The following CNTN4 variants were observed in gnomAD, a reference collection of about 807,000 sequenced individuals.
CNTN4 encodes contactin-4.
In CNTN4, 77 loss-of-function variants were observed where a neutral mutation model predicts 122.5. That is an observed-to-expected ratio of 0.63 (90% CI 0.52 to 0.76). CNTN4 has a LOEUF of 0.76. Ranked by LOEUF, CNTN4 falls within the 30% of genes least tolerant of loss-of-function variation. The probability of loss-of-function intolerance (pLI) is 0.00; values close to 1 mark genes in which losing one functional copy is unlikely to be tolerated. For missense variants in CNTN4, 1,256 were observed against 1,259.1 expected (o/e 1.00, Z 0.04); for synonymous variants, 512 against 447.0 (o/e 1.15, Z -1.83).
intron 3 of CNTN4, among the ~76,000 whole-genome samples, chr3:2,388,900 G>C (rs1174387064): frequency 1.3e-5 from 2 of 149,310 alleles, no homozygotes; most frequent in Non-Finnish European, 3.0e-5. Flanking sequence ...TCTCACGCCT[G>C]TAATCCCAGC....
intron 3 of CNTN4, among the ~76,000 whole-genome samples, chr3:2,430,208 G>GGTCA (rs928643460): frequency 2.0e-5 from 3 of 152,004 alleles, no homozygotes; most frequent in Admixed American, 2.0e-4. Flanking sequence ...TGGATCACGA[G>GGTCA]GTCAGGAGAT....
chr3:3,056,058 G>A, intron 24 of CNTN4, 62 bp from the exon 25 acceptor site: 3 of 1,251,622 alleles, frequency 2.4e-6, no homozygotes, highest in Non-Finnish European at 3.5e-6. Flanking sequence ...AAGCCCCGTG[G>A]CCCCTCTTCC....
chr3:2,553,736 A>T (rs553258336), intron 3 of CNTN4, among the ~76,000 whole-genome samples: 1 of 152,334 alleles, frequency 6.6e-6, no homozygotes, highest in Admixed American at 6.5e-5. Flanking sequence ...TTATGGAAAG[A>T]GAAGAAATAT....
intron 3 of CNTN4, among the ~76,000 whole-genome samples, chr3:2,524,982 T>C (rs1409709724): frequency 6.6e-6 from 1 of 152,074 alleles, no homozygotes; most frequent in Admixed American, 6.6e-5. Context: ...GAAGATGCAG[T>C]AAGGTTTTGA....
At chr3:2,886,990 A>C in intron 9 of CNTN4, 50 bp from the exon 10 acceptor site, 2 of 1,534,414 alleles carry the variant, frequency 1.3e-6, no homozygotes, top group Non-Finnish European at 1.8e-6. Context: ...TTCAGATAAA[A>C]GGTCCAGTTT....
chr3:2,409,498 C>T (rs752607429), intron 3 of CNTN4, among the ~76,000 whole-genome samples: 6 of 152,098 alleles, frequency 3.9e-5, no homozygotes, highest in Non-Finnish European at 8.8e-5. Context: ...CTGCACGCCT[C>T]AGCCTCCCAA....
intron 6 of CNTN4, among the ~76,000 whole-genome samples, chr3:2,776,766 T>C (rs1313163953): frequency 1.3e-5 from 2 of 152,182 alleles, no homozygotes; most frequent in Non-Finnish European, 2.9e-5. Context: ...CACTAAATTT[T>C]ATGTAATAAG....
chr3:2,268,117 A>G (rs911224979), intron 2 of CNTN4, among the ~76,000 whole-genome samples: 1 of 152,126 alleles, frequency 6.6e-6, no homozygotes, highest in Non-Finnish European at 1.5e-5. Context: ...TGCTCAATAT[A>G]CTTTGCTAGG....
intron 2 of CNTN4, among the ~76,000 whole-genome samples, chr3:2,215,084 C>G (rs1188322648): frequency 6.6e-6 from 1 of 152,112 alleles, no homozygotes; most frequent in Non-Finnish European, 1.5e-5. Flanking sequence ...ACAAACATAT[C>G]CTTTCTCACC....
intron 2 of CNTN4, among the ~76,000 whole-genome samples, chr3:2,114,813 C>T (rs887152306): frequency 6.6e-6 from 1 of 152,206 alleles, no homozygotes; most frequent in Non-Finnish European, 1.5e-5. Context: ...TGCTGATCTG[C>T]TGACCAATAT....
intron 2 of CNTN4, among the ~76,000 whole-genome samples, chr3:2,266,818 C>T (rs2149789002): frequency 6.6e-6 from 1 of 152,172 alleles, no homozygotes; most frequent in African/African-American, 2.4e-5. Context: ...TAGCAGCTGC[C>T]ACCACAGTCA....
At chr3:2,300,691 C>A (rs1395449443) in intron 2 of CNTN4, among the ~76,000 whole-genome samples, 4 of 150,706 alleles carry the variant, frequency 2.7e-5, no homozygotes, top group African/African-American at 9.8e-5. Flanking sequence ...CCTGCCTCAG[C>A]CTCTCGAGTA....
chr3:2,887,270 C>T (rs2093989477), intron 10 of CNTN4, 46 bp downstream of exon 10: 2 of 1,557,586 alleles, frequency 1.3e-6, no homozygotes, highest in East Asian at 2.2e-5. Flanking sequence ...TACAGAACTT[C>T]CTGATATTGA....
chr3:2,684,316 C>G (rs1332729049), intron 4 of CNTN4, among the ~76,000 whole-genome samples: 1 of 152,066 alleles, frequency 6.6e-6, no homozygotes, highest in African/African-American at 2.4e-5. Context: ...GCCAGCCTAA[C>G]TGAAGCATTG....
intron 4 of CNTN4, among the ~76,000 whole-genome samples, chr3:2,572,696 C>T (rs1290381283): frequency 6.6e-6 from 1 of 152,152 alleles, no homozygotes; most frequent in Non-Finnish European, 1.5e-5. Flanking sequence ...TTGATGTATG[C>T]ATTCACTCAA....
intron 2 of CNTN4, among the ~76,000 whole-genome samples, chr3:2,202,012 T>G (rs2149392677): frequency 6.6e-6 from 1 of 152,262 alleles, no homozygotes; most frequent in African/African-American, 2.4e-5. Flanking sequence ...GAGGCTATTT[T>G]TAGTATCTCC....
chr3:2,533,449 C>T (rs922963943), intron 3 of CNTN4, among the ~76,000 whole-genome samples: 4 of 152,064 alleles, frequency 2.6e-5, no homozygotes, highest in South Asian at 2.1e-4. Flanking sequence ...CATGTCCCTA[C>T]AAAGGACATG....
At chr3:2,119,721 A>C (rs2033595574) in intron 2 of CNTN4, among the ~76,000 whole-genome samples, 1 of 152,210 alleles carries the variant, frequency 6.6e-6, no homozygotes, top group South Asian at 2.1e-4. Context: ...TCATTTTTCC[A>C]TTTAACCTAC....
chr3:2,515,832 G>C (rs1375226920), intron 3 of CNTN4, among the ~76,000 whole-genome samples: 1 of 151,886 alleles, frequency 6.6e-6, no homozygotes, highest in Non-Finnish European at 1.5e-5. Context: ...AGTGCTTTTT[G>C]TTTCTTCCAC....
Sources: gnomAD v4.1 joint callset for allele counts (sites outside exome capture counted in the v4.1 genomes callset) on GRCh38, gnomAD v4.1.1 for gene constraint, MANE v1.5 for transcripts, NCBI Gene and HGNC (gene_info 2026-07-23, HGNC 2026-07-21) for gene names.